The following SH3RF3 variants were observed in gnomAD, a reference collection of about 807,000 sequenced individuals.
SH3RF3 encodes the protein SH3 domain containing ring finger 3.
Under a neutral mutation model 66.3 loss-of-function variants are expected in SH3RF3, and 29 were observed. The ratio of observed to expected loss-of-function variants is 0.44; its 90% CI spans 0.33 to 0.60. The LOEUF (loss-of-function observed/expected upper bound fraction) is 0.60, where lower values mean the gene tolerates loss of function less well. SH3RF3 is among the 20% of genes least tolerant of loss of function. The probability of loss-of-function intolerance (pLI) is 0.04; values close to 1 mark genes in which losing one functional copy is unlikely to be tolerated. For synonymous variants in SH3RF3, 583 were observed against 532.0 expected, an observed-to-expected ratio of 1.10 and a Z score of -1.32; for missense variants, 1,194 against 1,190.9, an observed-to-expected ratio of 1.00 and a Z score of -0.04.
At chr2:109,187,068 T>G (rs895798141) in intron 1 of SH3RF3, among the ~76,000 whole-genome samples, 2 of 150,040 alleles carry the variant, frequency 1.3e-5, no homozygotes, top group Non-Finnish European at 3.0e-5. Flanking sequence ...CACGGATCAT[T>G]TAAGCATATT....
intron 1 of SH3RF3, among the ~76,000 whole-genome samples, chr2:109,249,584 C>T (rs1388948189): frequency 1.8e-5 from 2 of 110,290 alleles, no homozygotes; most frequent in African/African-American, 7.7e-5. Flanking sequence ...TCCTTCCTTC[C>T]TTTCCTTTCT....
intron 1 of SH3RF3, among the ~76,000 whole-genome samples, chr2:109,271,864 C>A (rs913784829): frequency 6.6e-6 from 1 of 152,220 alleles, no homozygotes; most frequent in Non-Finnish European, 1.5e-5. Context: ...GTATTGAATG[C>A]GGCTAGAATC....
At chr2:109,378,451 T>C (rs991174628) in intron 3 of SH3RF3, among the ~76,000 whole-genome samples, 1 of 152,218 alleles carries the variant, frequency 6.6e-6, no homozygotes, top group Non-Finnish European at 1.5e-5. Context: ...ATCTTGCCTA[T>C]GAACTAGAGG....
chr2:109,346,113 GGGCT>G (rs1682689850), intron 1 of SH3RF3, among the ~76,000 whole-genome samples: 1 of 152,132 alleles, frequency 6.6e-6, no homozygotes, highest in African/African-American at 2.4e-5. Flanking sequence ...TCTAAAATTG[GGGCT>G]CGTTACACAC....
intron 1 of SH3RF3, among the ~76,000 whole-genome samples, chr2:109,289,116 A>G (rs1425993211): frequency 1.3e-5 from 2 of 152,204 alleles, no homozygotes; most frequent in Non-Finnish European, 1.5e-5. Flanking sequence ...GGATTTTCCA[A>G]GCTGTCATAT....
intron 9 of SH3RF3, among the ~76,000 whole-genome samples, chr2:109,496,569 A>G (rs1053984013): frequency 3.3e-5 from 5 of 151,972 alleles, no homozygotes; most frequent in African/African-American, 1.2e-4. Context: ...GGCCTGGCCG[A>G]CTCCTGCCCC....
chr2:109,381,302 G>A (rs1675660664), intron 3 of SH3RF3, among the ~76,000 whole-genome samples: 2 of 152,318 alleles, frequency 1.3e-5, no homozygotes, highest in South Asian at 4.1e-4. Flanking sequence ...TCTCCCCTAG[G>A]CTCCAGCTGT....
At chr2:109,389,158 G>T (rs1675911564) in intron 3 of SH3RF3, among the ~76,000 whole-genome samples, 1 of 152,216 alleles carries the variant, frequency 6.6e-6, no homozygotes, top group African/African-American at 2.4e-5. Context: ...GAGCGTACCT[G>T]CAGACACACA....
intron 9 of SH3RF3, among the ~76,000 whole-genome samples, chr2:109,494,116 C>T (rs1243920806): frequency 1.3e-5 from 2 of 152,192 alleles, no homozygotes; most frequent in Non-Finnish European, 2.9e-5. Flanking sequence ...TCCTTCTTCC[C>T]CAGACCCCTC....
At chr2:109,454,307 C>T (rs1241557648) in intron 8 of SH3RF3, among the ~76,000 whole-genome samples, 1 of 152,216 alleles carries the variant, frequency 6.6e-6, no homozygotes, top group Non-Finnish European at 1.5e-5. Flanking sequence ...GAAAGCGCCT[C>T]AGCTGGGCAT....
At chr2:109,273,321 C>G (rs1387140931) in intron 1 of SH3RF3, among the ~76,000 whole-genome samples, 2 of 152,220 alleles carry the variant, frequency 1.3e-5, no homozygotes, top group Admixed American at 1.3e-4. Context: ...TCTTCCTGAG[C>G]TTGTCTGGAA....
intron 1 of SH3RF3, among the ~76,000 whole-genome samples, chr2:109,269,625 A>C (rs975094687): frequency 6.6e-6 from 1 of 151,982 alleles, no homozygotes; most frequent in African/African-American, 2.4e-5. Context: ...TACTAAAAAT[A>C]AAAAAAATAG....
chr2:109,417,127 T>A (rs1328096243), intron 4 of SH3RF3, among the ~76,000 whole-genome samples: 1 of 152,160 alleles, frequency 6.6e-6, no homozygotes, highest in Non-Finnish European at 1.5e-5. Flanking sequence ...GCCCACACAT[T>A]TCTTCAGTGG....
chr2:109,433,744 G>A (rs1209405712), intron 6 of SH3RF3, among the ~76,000 whole-genome samples: 1 of 152,216 alleles, frequency 6.6e-6, no homozygotes, highest in Non-Finnish European at 1.5e-5. Context: ...AGAAGCGGGG[G>A]CTAAGGGATG....
At chr2:109,319,724 G>A (rs1260217253) in intron 1 of SH3RF3, among the ~76,000 whole-genome samples, 1 of 152,230 alleles carries the variant, frequency 6.6e-6, no homozygotes, top group Non-Finnish European at 1.5e-5. Context: ...GGTGTGGGCA[G>A]GTGCAGCCTG....
intron 1 of SH3RF3, among the ~76,000 whole-genome samples, chr2:109,130,409 C>T (rs1265441977): frequency 6.6e-6 from 1 of 152,220 alleles, no homozygotes; most frequent in South Asian, 2.1e-4. Flanking sequence ...AACTTAGCAT[C>T]GCCCTTGCGT....
intron 1 of SH3RF3, among the ~76,000 whole-genome samples, chr2:109,188,204 T>G (rs1678248058): frequency 6.6e-6 from 1 of 152,232 alleles, no homozygotes; most frequent in South Asian, 2.1e-4. Flanking sequence ...CCGAAGGGCT[T>G]TCCTGCTGCA....
At chr2:109,440,236 G>A (rs1241287996) in intron 7 of SH3RF3, among the ~76,000 whole-genome samples, 2 of 152,186 alleles carry the variant, frequency 1.3e-5, no homozygotes, top group Non-Finnish European at 2.9e-5. Flanking sequence ...CTGAAAGGTG[G>A]GTAGAGCTCA....
Position 109,176,454 on chromosome 2 carries a change from A to G in SH3RF3, c.573+46341A>G, listed in dbSNP as rs148152992. Among the ~76,000 whole-genome samples, 7 of 152,232 alleles carry G rather than the reference A, an allele frequency of 4.6e-5. No individual in the cohort carries two copies. In the East Asian group the frequency reaches 1.4e-3, roughly 29 times the overall value. On this transcript the variant is annotated intron_variant, in intron 1 of 9. Transcript: ENST00000309415. Reference sequence around the variant, plus strand: ...TTCTTGATCAAAAGGCATAGGGGCCAGCCATGATGGCTCATGCCTCTAATC... The same window carrying G: ...TTCTTGATCAAAAGGCATAGGGGCCGGCCATGATGGCTCATGCCTCTAATC...
Sources: allele counts gnomAD v4.1 joint callset (sites outside exome capture counted in the v4.1 genomes callset), GRCh38; gene constraint gnomAD v4.1.1; transcripts MANE v1.5; gene names NCBI Gene and HGNC (gene_info 2026-07-23, HGNC 2026-07-21).